DLG2: variants seen among roughly 807,000 people sequenced by gnomAD.
DLG2 encodes disks large homolog 2.
DLG2 carries 45 observed loss-of-function variants against 132.5 expected under a neutral mutation model. The ratio of observed to expected loss-of-function variants is 0.34; its 90% confidence interval spans 0.27 to 0.44. The LOEUF is 0.44. DLG2 is among the 20% of genes least tolerant of loss of function. DLG2 has a pLI of 1.00. For missense variants in DLG2, 1,045 were observed against 1,196.9 expected (o/e 0.87, Z 1.87); for synonymous variants, 424 against 419.6 (o/e 1.01, Z -0.13).
chr11:84,180,876 A>T (rs993178779), intron 8 of DLG2, among the ~76,000 whole-genome samples: 1 of 152,060 alleles, frequency 6.6e-6, no homozygotes, highest in East Asian at 1.9e-4. Flanking sequence ...AAATTAAGGA[A>T]ATGTTTCTGT....
chr11:85,511,459 A>G (rs755288482), intron 3 of DLG2, among the ~76,000 whole-genome samples: 7 of 152,076 alleles, frequency 4.6e-5, no homozygotes, highest in African/African-American at 1.4e-4. Context: ...CAAGAATTCA[A>G]TGGCATCTCT....
At chr11:84,153,604 G>A (rs544194009) in intron 9 of DLG2, among the ~76,000 whole-genome samples, 1 of 152,216 alleles carries the variant, frequency 6.6e-6, no homozygotes, top group Admixed American at 6.5e-5. Context: ...CTTTCAGCTT[G>A]AGATTCTTTC....
intron 6 of DLG2, among the ~76,000 whole-genome samples, chr11:84,903,611 G>A (rs1286051784): frequency 6.6e-6 from 1 of 152,160 alleles, no homozygotes; most frequent in Non-Finnish European, 1.5e-5. Context: ...CCATTTCATA[G>A]ATGTTTCAAA....
chr11:85,304,756 T>C (rs2079829920), intron 3 of DLG2, among the ~76,000 whole-genome samples: 1 of 152,168 alleles, frequency 6.6e-6, no homozygotes, highest in East Asian at 1.9e-4. Context: ...AAAAGGGCAG[T>C]AAAGCTGTCA....
intron 8 of DLG2, among the ~76,000 whole-genome samples, chr11:84,175,404 T>C (rs1258814818): frequency 6.6e-6 from 1 of 152,142 alleles, no homozygotes; most frequent in Non-Finnish European, 1.5e-5. Flanking sequence ...AATAAATGGA[T>C]TGACTCTTAT....
intron 20 of DLG2, among the ~76,000 whole-genome samples, chr11:83,539,350 G>C (rs956189676): frequency 3.3e-5 from 5 of 152,038 alleles, no homozygotes; most frequent in Non-Finnish European, 7.4e-5. Context: ...AAATTTTCCA[G>C]ATCAGCACTA....
intron 6 of DLG2, among the ~76,000 whole-genome samples, chr11:84,593,031 A>C (rs1316444370): frequency 6.7e-6 from 1 of 149,534 alleles, no homozygotes; most frequent in Admixed American, 6.7e-5. Context: ...AGGCAGGAGA[A>C]TCACTTGAAC....
chr11:83,721,737 A>G (rs973991532), intron 18 of DLG2, among the ~76,000 whole-genome samples: 1 of 152,238 alleles, frequency 6.6e-6, no homozygotes, highest in African/African-American at 2.4e-5. Context: ...GACTATGGGA[A>G]TGTCGACCTC....
intron 18 of DLG2, among the ~76,000 whole-genome samples, chr11:83,709,198 C>T (rs1331942942): frequency 6.6e-6 from 1 of 150,946 alleles, no homozygotes; most frequent in Admixed American, 6.6e-5. Context: ...AAATAAAAGT[C>T]TGAAATCAGC....
chr11:85,294,478 C>G (rs561333684), intron 3 of DLG2, among the ~76,000 whole-genome samples: 1 of 152,176 alleles, frequency 6.6e-6, no homozygotes, highest in South Asian at 2.1e-4. Context: ...GAGATAAAAG[C>G]ACAAGCTCTG....
intron 6 of DLG2, among the ~76,000 whole-genome samples, chr11:84,544,827 A>G (rs1309188422): frequency 6.6e-6 from 1 of 152,200 alleles, no homozygotes; most frequent in Non-Finnish European, 1.5e-5. Flanking sequence ...GATTTGTCGT[A>G]ACAACAACAG....
Position 84,251,242 on chromosome 11 carries a change from G to A in DLG2, c.569C>T (p.Pro190Leu), listed in dbSNP as rs2154350644. 1 of 1,579,220 alleles carries A rather than the reference G, an allele frequency of 6.3e-7. No homozygotes were observed. Reference sequence around the variant, plus strand: ...AGTAATGAAAAAGTTACTTACATAAGGAATTGTGTCCAAAGTATCTGTGTT... The same window carrying A: ...AGTAATGAAAAAGTTACTTACATAAAGAATTGTGTCCAAAGTATCTGTGTT... ...IVNTDTLDTI[P>L]YVNGTEIEYE... The change falls in exon 8 of 28, where the codon CCT becomes CTT. Residue 190 changes from proline (P) to leucine (L), a missense_variant. Pro to Leu is a moderately conservative substitution (Grantham distance 98). This residue lies in a region of DLG2 where 277 missense variants were observed against 238.2 expected (regional missense o/e 1.16). Coordinates refer to ENST00000376104, the MANE Select transcript of DLG2 (RefSeq NM_001142699.3).
At chr11:85,154,422 C>T in intron 5 of DLG2, 134 bp downstream of exon 5, 1 of 514,568 alleles carries the variant, frequency 1.9e-6, no homozygotes, top group South Asian at 3.8e-5. Context: ...ACCCAATATG[C>T]TGACCAGGCC....
intron 3 of DLG2, among the ~76,000 whole-genome samples, chr11:85,441,144 C>G (rs1179061553): frequency 6.6e-6 from 1 of 152,156 alleles, no homozygotes; most frequent in Non-Finnish European, 1.5e-5. Flanking sequence ...GCTTAAACAT[C>G]TCACAAGAGC....
chr11:83,480,917 T>C (rs1004912429), intron 22 of DLG2, among the ~76,000 whole-genome samples: 4 of 152,142 alleles, frequency 2.6e-5, no homozygotes, highest in African/African-American at 9.6e-5. Context: ...ATTTTATTTC[T>C]ATTTAAATAG....
At chr11:84,994,354 A>G (rs1232087357) in intron 6 of DLG2, among the ~76,000 whole-genome samples, 1 of 152,184 alleles carries the variant, frequency 6.6e-6, no homozygotes, top group Non-Finnish European at 1.5e-5. Flanking sequence ...CACCAGAATT[A>G]TGGCTATATA....
chr11:84,552,710 G>C (rs2154524454), intron 6 of DLG2, among the ~76,000 whole-genome samples: 1 of 152,336 alleles, frequency 6.6e-6, no homozygotes, highest in Non-Finnish European at 1.5e-5. Flanking sequence ...CAGGTATTCA[G>C]TGGGTCCTAA....
At chr11:83,967,811 G>A (rs574595332) in intron 12 of DLG2, among the ~76,000 whole-genome samples, 1 of 152,150 alleles carries the variant, frequency 6.6e-6, no homozygotes, top group Non-Finnish European at 1.5e-5. Flanking sequence ...GGTCAAGGAA[G>A]CTTTTCCCCT....
At chr11:85,040,693 CT>C (rs2061787568) in intron 6 of DLG2, among the ~76,000 whole-genome samples, 2 of 151,878 alleles carry the variant, frequency 1.3e-5, no homozygotes, top group South Asian at 4.1e-4. Context: ...AACATATGGC[CT>C]TTCTCTCTCA....
Sources: allele counts gnomAD v4.1 joint callset (sites outside exome capture counted in the v4.1 genomes callset), GRCh38; gene constraint gnomAD v4.1.1; regional missense constraint gnomAD v4.1.1; transcripts MANE v1.5; gene names NCBI Gene and HGNC (gene_info 2026-07-23, HGNC 2026-07-21).